The following ANKS1A variants were observed in gnomAD, a reference collection of about 807,000 sequenced individuals.
ANKS1A encodes the protein ankyrin repeat and sterile alpha motif domain containing 1A.
A neutral mutation model predicts 120.3 loss-of-function variants in ANKS1A; 55 were observed. That is an observed-to-expected ratio of 0.46 (90% CI 0.37 to 0.57). The LOEUF (loss-of-function observed/expected upper bound fraction) is 0.57, where lower values mean the gene tolerates loss of function less well. Among genes scored for constraint, ANKS1A ranks in the 20% least tolerant of loss-of-function variants. ANKS1A has a pLI of 0.00. For missense variants in ANKS1A, 1,123 were observed against 1,480.3 expected (o/e 0.76, Z 3.96); for synonymous variants, 590 against 604.7 (o/e 0.98, Z 0.36).
At chr6:35,038,346 A>G (rs751593599) in intron 11 of ANKS1A, 11 of 456,676 alleles carry the variant, frequency 2.4e-5, no homozygotes, top group Admixed American at 2.3e-4. Context: ...ATAGTCCTCA[A>G]TACAGTTTCG....
rs78433391 is a variant in ANKS1A, at chr6:34,990,934, G to A, written c.1302+1618G>A. On this transcript the variant is annotated intron_variant, in intron 9 of 23. Transcript: ENST00000360359. Reference sequence around the variant, plus strand: ...GTGATACGGCCTGCATATGATCCAGGCAGATTTTATTCATATGCTGTAGTT... The same window carrying A: ...GTGATACGGCCTGCATATGATCCAGACAGATTTTATTCATATGCTGTAGTT... 8.8e-3 allele frequency among the ~76,000 whole-genome samples: 1,343 copies of A among 152,232 alleles called. 26 individuals are homozygous for A. Among genetic ancestry groups the A allele is most frequent in the African/African-American group, 0.03 (1,236 of 41,528 alleles).
chr6:34,999,071 T>G (rs1386809148), intron 10 of ANKS1A, among the ~76,000 whole-genome samples: 2 of 152,208 alleles, frequency 1.3e-5, no homozygotes, highest in East Asian at 3.9e-4. Context: ...AGGAAGGAAC[T>G]GGCATTTGGA....
In ANKS1A at chr6:34,967,548, T is replaced by TTA. The variant is rs1327711674; in HGVS notation, c.278+229_278+230insTA. ...AAAAAAAAAAAAAAAAAAATTTTTT[T>TTA]AATTAATCAGGCGTGGTAGCATGCC... On this transcript the variant is annotated intron_variant, in intron 2 of 23. Coordinates refer to ENST00000360359, the MANE Select transcript of ANKS1A (RefSeq NM_015245.3). Among the ~76,000 whole-genome samples the TTA allele has an allele frequency of 4.4e-3, 649 of 147,696 alleles. 2 individuals carry two copies. Among genetic ancestry groups the TTA allele is most frequent in the African/African-American group, 0.015 (587 of 38,998 alleles).
intron 1 of ANKS1A, among the ~76,000 whole-genome samples, chr6:34,905,471 T>TG (rs1295227353): frequency 6.6e-6 from 1 of 152,112 alleles, no homozygotes; most frequent in African/African-American, 2.4e-5. Flanking sequence ...TTGGGATGAG[T>TG]GGGATGGTTT....
rs191951900 is a variant in ANKS1A, at chr6:35,083,657, C to T, written c.2994+154C>T. Among the ~76,000 whole-genome samples, 153 of 152,278 alleles carry T rather than the reference C, an allele frequency of 1.0e-3. No individual in the cohort carries two copies. The highest frequency in any genetic ancestry group is 3.4e-3 in the Middle Eastern group (1 of 294). ...TATTACTTCCCACTTTGCTAAGAGG[C>T]GTGTCTCTCATCTGCTGGCCTGGGT... On this transcript the variant is annotated intron_variant, in intron 20 of 23. Coordinates refer to ENST00000360359, the MANE Select transcript of ANKS1A (RefSeq NM_015245.3).
intron 1 of ANKS1A, among the ~76,000 whole-genome samples, chr6:34,893,097 T>G (rs1355848479): frequency 2.0e-5 from 3 of 152,190 alleles, no homozygotes. Flanking sequence ...TTATTCAAGT[T>G]AACCACTTTG....
Position 35,090,776 on chromosome 6 carries a change from C to T in ANKS1A, c.*2167C>T, listed in dbSNP as rs750735972. ...ACACCAGGGGCAGACCCTGTCGCTGCGTTTCTGAACTGTGAAGGAGCCCAT... is the reference window on the plus strand; with the variant it reads ...ACACCAGGGGCAGACCCTGTCGCTGTGTTTCTGAACTGTGAAGGAGCCCAT... On this transcript the variant is annotated 3_prime_UTR_variant, in exon 24 of 24. Transcript: ENST00000360359. The T allele has an allele frequency of 4.8e-4, 474 of 985,892 alleles. No homozygotes were observed. The highest frequency in any genetic ancestry group is 5.5e-4 in the Non-Finnish European group (453 of 830,402). 61.1% of individuals were successfully genotyped at this position (985,892 alleles called of 1,614,324 possible).
At chr6:34,942,904 C>T (rs569174334) in intron 1 of ANKS1A, among the ~76,000 whole-genome samples, 2 of 150,058 alleles carry the variant, frequency 1.3e-5, no homozygotes, top group African/African-American at 4.9e-5. Flanking sequence ...CTTTCCCTTC[C>T]CTTTCCTTCC....
At chr6:34,983,269 G>C in intron 6 of ANKS1A, 55 bp downstream of exon 6, 3 of 1,610,184 alleles carry the variant, frequency 1.9e-6, no homozygotes, top group Non-Finnish European at 2.5e-6. Flanking sequence ...TTGAACCAAG[G>C]CATTTGTATT....
rs144083315 is a variant in ANKS1A, at chr6:34,918,079, C to T, written c.197+28480C>T. 3.8e-3 allele frequency among the ~76,000 whole-genome samples: 583 copies of T among 152,296 alleles called. 2 individuals are homozygous for T. Among genetic ancestry groups the T allele is most frequent in the African/African-American group, 0.013 (553 of 41,540 alleles). ...CTCTGCCGTGTTCCTAGGACCAGACCCTGCTAGTTCCTTCTAGAAACTGAT... is the reference window on the plus strand; with the variant it reads ...CTCTGCCGTGTTCCTAGGACCAGACTCTGCTAGTTCCTTCTAGAAACTGAT... On this transcript the variant is annotated intron_variant, in intron 1 of 23. Coordinates refer to ENST00000360359, the MANE Select transcript of ANKS1A (RefSeq NM_015245.3).
At chr6:35,097,632 CAAAAG>C in the ANKS1A span, among the ~76,000 whole-genome samples, 2 of 101,808 alleles carry the variant, frequency 2.0e-5, no homozygotes, top group African/African-American at 6.9e-5. Flanking sequence ...CAGAAAAAGC[CAAAAG>C]AAAAAAAAAA....
Position 35,087,032 on chromosome 6 carries a change from G to C in ANKS1A, c.3384G>C (p.Lys1128Asn). 1 of 1,614,168 alleles carries C rather than the reference G, an allele frequency of 6.2e-7. No individual in the cohort carries two copies. The highest frequency in any genetic ancestry group is 8.5e-7 in the Non-Finnish European group (1 of 1,180,012). Residue 1128 changes from lysine to asparagine, a missense_variant, in exon 23 of 24, where the codon AAG (lysine) becomes AAC (asparagine). Lys to Asn is a moderately conservative substitution (Grantham distance 94). This residue lies in a region of ANKS1A where 904 missense variants were observed against 1,130.4 expected (regional missense o/e 0.80). Transcript: ENST00000360359. Reference sequence around the variant, plus strand: ...TTGTGGACCCCAAACCAGACTCTAAGCGGAGCCTCAGCACCAAGTATGAGA... The same window carrying C: ...TTGTGGACCCCAAACCAGACTCTAACCGGAGCCTCAGCACCAAGTATGAGA... The part of the protein sequence containing the change: ...SWVVDPKPDS[K>N]RSLSTN
chr6:34,994,332 A>T lies in ANKS1A; in HGVS notation c.1333A>T (p.Ser445Cys). 2.5e-6 allele frequency: 4 copies of T among 1,613,616 alleles called. No homozygotes were observed. In the South Asian group the frequency reaches 4.4e-5, roughly 18 times the overall value. ...GTCCATGAGACCTAGGATTCATGGG[A>T]GTGCAGCCCGGGAAGAAGACGAACA... ...VLSMRPRIHG[S>C]AAREEDEHPY... The change falls in exon 10 of 24, where the codon AGT (serine) becomes TGT (cysteine). Residue 445 changes from serine (S) to cysteine (C), a missense_variant. Transcript: ENST00000360359.
chr6:35,053,362 G>A (rs998083816), intron 11 of ANKS1A, among the ~76,000 whole-genome samples: 1 of 152,228 alleles, frequency 6.6e-6, no homozygotes, highest in Non-Finnish European at 1.5e-5. Flanking sequence ...GGGACAGGTG[G>A]TCCATACTGG....
At chr6:35,004,667 C>G (rs10807145) in intron 10 of ANKS1A, among the ~76,000 whole-genome samples, 100,601 of 151,638 alleles carry the variant, frequency 0.66, 35,698 homozygotes, top group Non-Finnish European at 0.8. Flanking sequence ...CCTGTAATCC[C>G]AGTACTTTGG....
At chr6:35,039,773 G>A (rs746220164) in intron 11 of ANKS1A, 10 of 375,778 alleles carry the variant, frequency 2.7e-5, no homozygotes, top group Admixed American at 6.2e-5. Flanking sequence ...CTCAGCCCTC[G>A]AGAGGCCTAA....
intron 1 of ANKS1A, among the ~76,000 whole-genome samples, chr6:34,929,422 G>A (rs6457798): frequency 0.15 from 22,789 of 152,034 alleles, 2,051 homozygotes; most frequent in African/African-American, 0.25. Context: ...CATCATTCTC[G>A]ATCATATTTG....
intron 3 of ANKS1A, among the ~76,000 whole-genome samples, chr6:34,977,397 ATTTT>A (rs35012141): frequency 2.8e-5 from 4 of 144,974 alleles, no homozygotes; most frequent in African/African-American, 2.5e-5. Flanking sequence ...GCATTTTAGC[ATTTT>A]TTTTTTTTTT....
chr6:34,977,669 T>C (rs919508279), intron 3 of ANKS1A, among the ~76,000 whole-genome samples: 20 of 152,224 alleles, frequency 1.3e-4, no homozygotes, highest in African/African-American at 4.8e-4. Flanking sequence ...ATCAGAGTTC[T>C]GCTTTCCAGA....
Sources: allele counts gnomAD v4.1 joint callset (sites outside exome capture counted in the v4.1 genomes callset), GRCh38; gene constraint gnomAD v4.1.1; regional missense constraint gnomAD v4.1.1; transcripts MANE v1.5; gene names NCBI Gene and HGNC (gene_info 2026-07-23, HGNC 2026-07-21).